Variants in AQP8 observed in about 807,000 individuals in gnomAD.
AQP8 encodes aquaporin 8.
AQP8 carries 14 observed loss-of-function variants against 26.1 expected under a neutral mutation model. The ratio of observed to expected loss-of-function variants is 0.54; its 90% CI spans 0.35 to 0.84. The LOEUF is 0.84. Among genes scored for constraint, AQP8 ranks in the 40% least tolerant of loss-of-function variants. The probability of loss-of-function intolerance (pLI) is 0.01; values close to 1 mark genes in which losing one functional copy is unlikely to be tolerated. For missense variants in AQP8, 301 were observed against 340.5 expected (o/e 0.88, Z 0.91); for synonymous variants, 131 against 150.7 (o/e 0.87, Z 0.96).
chr16:25,222,006 G>A (rs1251267622), intron 3 of AQP8, among the ~76,000 whole-genome samples: 1 of 152,144 alleles, frequency 6.6e-6, no homozygotes, highest in Non-Finnish European at 1.5e-5. Flanking sequence ...GAGCTCAAGT[G>A]ATCTACCTGC....
At chr16:25,218,591 C>G (rs1432622982) in intron 2 of AQP8, among the ~76,000 whole-genome samples, 2 of 152,196 alleles carry the variant, frequency 1.3e-5, no homozygotes, top group African/African-American at 4.8e-5. Context: ...GCTTTAACAT[C>G]TCTTTAGGCC....
At chr16:25,221,258 G>T (rs558490967) in intron 2 of AQP8, among the ~76,000 whole-genome samples, 199 bp from the exon 3 acceptor site, 101 of 152,188 alleles carry the variant, frequency 6.6e-4, no homozygotes, top group Non-Finnish European at 1.1e-3. Flanking sequence ...CTTAGAGGCT[G>T]CCCTTTATCT....
rs1962667452 is a variant in AQP8 at position 25,228,603 on chromosome 16, A to AC, written c.*116dup. The AC allele has an allele frequency of 8.5e-7, 1 of 1,171,046 alleles. No individual in the cohort carries two copies. Among genetic ancestry groups the AC allele is most frequent in the South Asian group, 1.3e-5 (1 of 78,212 alleles). The allele number at this position is 1,171,046 out of a possible 1,614,324, so 72.5% of individuals were successfully genotyped here. A position where few individuals can be genotyped will look rare whatever the true frequency, so the allele number is the denominator to read the frequency against. On this transcript the variant is annotated 3_prime_UTR_variant, in exon 6 of 6. Coordinates refer to ENST00000219660, the MANE Select transcript of AQP8 (RefSeq NM_001169.3). ...GCCAGGGCAGAGGCCCAGAGGAGCG[A>AC]CCCCCTGCTTCCACTGCTTGGGCCT...
At chr16:25,221,402 C>A (rs1223620548) in intron 2 of AQP8, 55 bp from the exon 3 acceptor site, 2 of 1,592,576 alleles carry the variant, frequency 1.3e-6, no homozygotes, top group Non-Finnish European at 1.7e-6. Context: ...GTCTCAAGTG[C>A]CAGCCATGTG....
At chr16:25,227,549 G>C (rs936762085) in intron 5 of AQP8, among the ~76,000 whole-genome samples, 2 of 152,062 alleles carry the variant, frequency 1.3e-5, no homozygotes, top group African/African-American at 4.8e-5. Context: ...GAGTGCAGTG[G>C]TGTGATTCTG....
At chr16:25,225,815 TG>T (rs1962625294) in intron 4 of AQP8, among the ~76,000 whole-genome samples, 1 of 151,904 alleles carries the variant, frequency 6.6e-6, no homozygotes, top group Admixed American at 6.6e-5. Context: ...ACGAGAGGAG[TG>T]CACCTGGGGA....
intron 2 of AQP8, among the ~76,000 whole-genome samples, chr16:25,221,220 A>G (rs1429808236): frequency 6.6e-6 from 1 of 152,170 alleles, no homozygotes; most frequent in Non-Finnish European, 1.5e-5. Context: ...CTCTTCCTCC[A>G]GGGCCATCCT....
Position 25,227,168 on chromosome 16 carries a change from C to T in AQP8, c.703C>T (p.Leu235Phe). Residue 235 changes from leucine to phenylalanine, a missense_variant, in exon 5 of 6, where the codon CTC (leucine) becomes TTC (phenylalanine). Transcript: ENST00000219660. ...CCACTGGATCTACTGGCTGGGCCCACTCCTGGCTGGCCTGCTTGTTGGACT... is the reference window on the plus strand; with the variant it reads ...CCACTGGATCTACTGGCTGGGCCCATTCCTGGCTGGCCTGCTTGTTGGACT... Reference protein sequence around the residue: ...NFHWIYWLGPLLAGLLVGLLI... With the variant: ...NFHWIYWLGPFLAGLLVGLLI... The T allele has an allele frequency of 6.2e-7, 1 of 1,614,130 alleles. No homozygotes were observed. The highest frequency in any genetic ancestry group is 8.5e-7 in the Non-Finnish European group (1 of 1,180,028).
At position 25,222,877 on chromosome 16, in the gene AQP8, T is replaced by G. The variant is rs376356174; in HGVS notation, c.387+1294T>G. Among the ~76,000 whole-genome samples the G allele has an allele frequency of 5.3e-5, 8 of 152,352 alleles. 1 individual carries two copies. Among genetic ancestry groups the G allele is most frequent in the Admixed American group, 6.5e-5 (1 of 15,292 alleles). On this transcript the variant is annotated intron_variant, in intron 3 of 5. Coordinates refer to ENST00000219660, the MANE Select transcript of AQP8 (RefSeq NM_001169.3). ...GCCCGGGACCTTCCTTCTCGGCTTC[T>G]GCTCTGAAAAGCAGTGGCCAGACTC...
chr16:25,227,499 C>G (rs957964738), intron 5 of AQP8, among the ~76,000 whole-genome samples: 1 of 151,990 alleles, frequency 6.6e-6, no homozygotes, highest in African/African-American at 2.4e-5. Context: ...GGTCTTTCTC[C>G]TTTTCTTTTT....
rs1962516962 is a variant in AQP8, at chr16:25,218,465, G to A, written c.260+1020G>A. 2.6e-5 allele frequency among the ~76,000 whole-genome samples: 4 copies of A among 152,288 alleles called. No homozygotes were observed. In the South Asian group the frequency reaches 8.3e-4, roughly 32 times the overall value. On this transcript the variant is annotated intron_variant, in intron 2 of 5. Transcript: ENST00000219660. The stretch of plus-strand genomic sequence containing the variant: ...AGCCATCACGACGAAGATCTTGAGT[G>A]GGGTGCCTGGCAGGGTGATCTGGGA...
chr16:25,228,244 G>C (rs1277577533), intron 5 of AQP8, among the ~76,000 whole-genome samples, 200 bp from the exon 6 acceptor site: 1 of 151,708 alleles, frequency 6.6e-6, no homozygotes, highest in Non-Finnish European at 1.5e-5. Flanking sequence ...TCCAGCCTGG[G>C]TGAGTGAGAC....
intron 5 of AQP8, among the ~76,000 whole-genome samples, chr16:25,227,628 A>G: frequency 6.6e-6 from 1 of 152,048 alleles, no homozygotes; most frequent in East Asian, 1.9e-4. Flanking sequence ...AGCTGGGACT[A>G]CAGGCGCCGC....
intron 4 of AQP8, among the ~76,000 whole-genome samples, chr16:25,225,932 G>T (rs537666772): frequency 3.3e-4 from 51 of 152,296 alleles, no homozygotes; most frequent in African/African-American, 1.2e-3. Flanking sequence ...TATATTCGAG[G>T]TGTGGGCTCC....
intron 2 of AQP8, among the ~76,000 whole-genome samples, chr16:25,220,898 A>T (rs1177832796): frequency 6.6e-6 from 1 of 152,190 alleles, no homozygotes; most frequent in Non-Finnish European, 1.5e-5. Context: ...TAAAAATACA[A>T]AAATAAGCCA....
At chr16:25,222,001 C>G (rs534309498) in intron 3 of AQP8, among the ~76,000 whole-genome samples, 1 of 152,298 alleles carries the variant, frequency 6.6e-6, no homozygotes, top group Admixed American at 6.5e-5. Flanking sequence ...CTACTGAGCT[C>G]AAGTGATCTA....
rs1962667576 is a variant in AQP8 at position 25,228,608 on chromosome 16, C to T, written c.*116C>T. The T allele has an allele frequency of 6.9e-6, 7 of 1,018,092 alleles. 1 individual carries two copies. Among genetic ancestry groups the T allele is most frequent in the African/African-American group, 3.2e-5 (2 of 63,408 alleles). The allele number at this position is 1,018,092 out of a possible 1,614,324, so 63.1% of individuals were successfully genotyped here. A position where few individuals can be genotyped will look rare whatever the true frequency, so the allele number is the denominator to read the frequency against. ...GGCAGAGGCCCAGAGGAGCGACCCC[C>T]TGCTTCCACTGCTTGGGCCTGCTTT... is the stretch of plus-strand genomic sequence containing the variant. On this transcript the variant is annotated 3_prime_UTR_variant, in exon 6 of 6. Transcript: ENST00000219660.
At chr16:25,225,693 C>A (rs1234975517) in intron 4 of AQP8, among the ~76,000 whole-genome samples, 1 of 152,050 alleles carries the variant, frequency 6.6e-6, no homozygotes, top group East Asian at 1.9e-4. Flanking sequence ...ACAGGCTGAG[C>A]CACCGCGCCC....
Position 25,216,999 on chromosome 16 carries a change from T to C in AQP8, c.-47T>C, listed in dbSNP as rs191951648. The C allele has an allele frequency of 2.1e-4, 342 of 1,613,340 alleles. No individual in the cohort carries two copies. The African/African-American group carries it at 4.2e-3, about 20-fold the overall frequency. ...GTATCTTGCACAGCAGGTGCAGGTT[T>C]CCCAGCAGCTCAGGCAAGAGTCCGA... On this transcript the variant is annotated 5_prime_UTR_variant, in exon 1 of 6. Transcript: ENST00000219660.
Sources: gnomAD v4.1 joint callset for allele counts (sites outside exome capture counted in the v4.1 genomes callset) on GRCh38, gnomAD v4.1.1 for gene constraint, MANE v1.5 for transcripts, NCBI Gene and HGNC (gene_info 2026-07-23, HGNC 2026-07-21) for gene names.